The following TAF1 variants were observed in gnomAD, a reference collection of about 807,000 sequenced individuals.
TAF1 encodes the protein transcription initiation factor TFIID subunit 1.
In TAF1, 2 loss-of-function variants were observed where a neutral mutation model predicts 138.5. The ratio of observed to expected loss-of-function variants is 0.01; its 90% CI spans 0.01 to 0.05. The LOEUF is 0.05. Ranked by LOEUF, TAF1 falls within the 10% of genes least tolerant of loss-of-function variation. TAF1 has a pLI of 1.00. For synonymous variants in TAF1, 437 were observed against 503.2 expected, an observed-to-expected ratio of 0.87 and a Z score of 1.76; for missense variants, 709 against 1,478.0, an observed-to-expected ratio of 0.48 and a Z score of 8.53.
chrX:71,490,610 C>G (rs1239296604), intron 13 of TAF1, among the ~76,000 whole-genome samples: 3 of 110,976 alleles, frequency 2.7e-5, no homozygotes, highest in Non-Finnish European at 5.7e-5. Context: ...ACAAATTATA[C>G]TACAAAGCTA....
chrX:71,412,367 G>A (rs990164276), intron 28 of TAF1, among the ~76,000 whole-genome samples: 4 of 109,741 alleles, frequency 3.6e-5, no homozygotes, highest in Non-Finnish European at 7.6e-5. Context: ...GGGCTCAAGC[G>A]ATCTTCCTGA....
intron 32 of TAF1, among the ~76,000 whole-genome samples, chrX:71,441,089 CAG>C (rs1056203475): frequency 9.0e-6 from 1 of 110,556 alleles, no homozygotes; most frequent in African/African-American, 3.3e-5. Context: ...TTAATAGAGA[CAG>C]GGTTTCATGA....
Position 71,431,078 on chromosome X carries a change from G to A in TAF1, c.4753+6840G>A, listed in dbSNP as rs755043339. Among the ~76,000 whole-genome samples the A allele has an allele frequency of 1.6e-4, 15 of 94,084 alleles. No homozygotes were observed. In the Admixed American group the frequency reaches 1.7e-3, roughly 10 times the overall value. 81.7% of individuals were successfully genotyped at this position (94,084 alleles called of 115,157 possible). ...CGCCCAGGCTGGAGTGCAGTGGTGCGATCTCAGCCCATGGCAACCTTCGCC... is the reference window on the plus strand; with the variant it reads ...CGCCCAGGCTGGAGTGCAGTGGTGCAATCTCAGCCCATGGCAACCTTCGCC... On this transcript the variant is annotated intron_variant, in intron 32 of 37. Coordinates refer to ENST00000423759, the MANE Select transcript of TAF1 (RefSeq NM_004606.5).
At chrX:71,424,335 A>G (rs1470400184) in intron 32 of TAF1, 97 bp downstream of exon 32, 2 of 633,458 alleles carry the variant, frequency 3.2e-6, no homozygotes, top group Non-Finnish European at 4.6e-6. Context: ...TTGAGACAGG[A>G]TCTTGCTCTC....
At chrX:71,372,208 G>A (rs1445158560) in intron 3 of TAF1, among the ~76,000 whole-genome samples, 1 of 110,502 alleles carries the variant, frequency 9.0e-6, no homozygotes, top group African/African-American at 3.3e-5. Context: ...GAGGTGGACG[G>A]ATAACTTGAG....
At position 71,454,828 on chromosome X, in the gene TAF1, C is replaced by G. The variant is rs776273169; in HGVS notation, c.4909C>G (p.Pro1637Ala). Residue 1637 changes from proline (P) to alanine (A), a missense_variant, in exon 34 of 38, where the codon CCA becomes GCA. By Grantham distance (27) the Pro-to-Ala change is conservative. Coordinates refer to ENST00000423759, the MANE Select transcript of TAF1 (RefSeq NM_004606.5). ...LEEAELESLD[P>A]MTPGPYTPQP... ...GGAAGCAGAATTAGAAAGCCTGGAC[C>G]CAATGACCCCAGGGCCCTACACGCC... 8.3e-6 allele frequency: 10 copies of G among 1,208,217 alleles called. No homozygotes were observed. Among genetic ancestry groups the G allele is most frequent in the Non-Finnish European group, 1.1e-5 (10 of 894,653 alleles).
At chrX:71,431,340 G>A (rs1268564330) in intron 32 of TAF1, among the ~76,000 whole-genome samples, 1 of 110,134 alleles carries the variant, frequency 9.1e-6, no homozygotes, top group Non-Finnish European at 1.9e-5. Flanking sequence ...TGGGATTATA[G>A]GCGTGAGCTT....
intron 25 of TAF1, among the ~76,000 whole-genome samples, chrX:71,404,196 A>G (rs1204901337): frequency 1.8e-5 from 2 of 109,901 alleles, no homozygotes; most frequent in Non-Finnish European, 3.8e-5. Context: ...CTGGTCTTGA[A>G]CTTCTGACCT....
At chrX:71,461,478 G>A (rs1390114528) in intron 37 of TAF1, among the ~76,000 whole-genome samples, 3 of 111,119 alleles carry the variant, frequency 2.7e-5, no homozygotes, top group Non-Finnish European at 5.7e-5. Context: ...GACTTGTCAG[G>A]AGTGGGGAAA....
intron 13 of TAF1, among the ~76,000 whole-genome samples, chrX:71,522,843 C>CT (rs1262208867): frequency 4.6e-5 from 4 of 87,763 alleles, no homozygotes; most frequent in Non-Finnish European, 6.6e-5. Context: ...TCTTTCTTTC[C>CT]TTTTTTTTCC....
At chrX:71,486,588 G>A (rs2039177278) in intron 13 of TAF1, among the ~76,000 whole-genome samples, 1 of 104,546 alleles carries the variant, frequency 9.6e-6, no homozygotes, top group Non-Finnish European at 2.0e-5. Flanking sequence ...TCTCTCAAGA[G>A]ACCCTCCTGC....
intron 24 of TAF1, among the ~76,000 whole-genome samples, chrX:71,401,046 T>C (rs996489006): frequency 8.9e-6 from 1 of 112,533 alleles, no homozygotes; most frequent in Non-Finnish European, 1.9e-5. Context: ...CTCCTGCATA[T>C]TTAATATTTT....
intron 29 of TAF1, among the ~76,000 whole-genome samples, chrX:71,422,231 C>T (rs772550589): frequency 9.0e-6 from 1 of 110,825 alleles, no homozygotes. Flanking sequence ...TGTTGACACT[C>T]AGGGAAGTAT....
At chrX:71,384,909 T>A in intron 13 of TAF1, 36 bp from the exon 14 acceptor site, 1 of 1,021,525 alleles carries the variant, frequency 9.8e-7, no homozygotes, top group East Asian at 3.0e-5. Flanking sequence ...ATTATTGATA[T>A]ATTCTAAATA....
intron 35 of TAF1, 51 bp from the exon 36 acceptor site, chrX:71,459,501 C>T (rs2038456056): frequency 8.4e-7 from 1 of 1,189,051 alleles, no homozygotes; most frequent in Non-Finnish European, 1.1e-6. Context: ...GGCTTCTGGT[C>T]TCTTATGTGG....
chrX:71,397,629 T>TG (rs1322649469), intron 23 of TAF1, among the ~76,000 whole-genome samples, 163 bp downstream of exon 23: 12 of 110,773 alleles, frequency 1.1e-4, no homozygotes. Flanking sequence ...ATTACAGACA[T>TG]GCACCACCAT....
intron 32 of TAF1, among the ~76,000 whole-genome samples, chrX:71,433,201 G>A (rs1329570152): frequency 1.8e-5 from 2 of 112,317 alleles, no homozygotes; most frequent in African/African-American, 6.5e-5. Flanking sequence ...ATAGCATTCT[G>A]GGTATAGCCA....
At chrX:71,478,443 C>T (rs1012535364) in intron 13 of TAF1, among the ~76,000 whole-genome samples, 2 of 110,620 alleles carry the variant, frequency 1.8e-5, no homozygotes, top group Non-Finnish European at 3.8e-5. Context: ...ATCACTTGAG[C>T]CCAGGAGTTC....
chrX:71,481,711 C>A (rs1438261732), intron 13 of TAF1, among the ~76,000 whole-genome samples: 1 of 111,238 alleles, frequency 9.0e-6, no homozygotes, highest in Non-Finnish European at 1.9e-5. Context: ...GTGCATGCCA[C>A]CATGCCCGGC....
Sources: gnomAD v4.1 joint callset for allele counts (sites outside exome capture counted in the v4.1 genomes callset) on GRCh38, gnomAD v4.1.1 for gene constraint, MANE v1.5 for transcripts, NCBI Gene and HGNC (gene_info 2026-07-23, HGNC 2026-07-21) for gene names.